FSTL5: variants seen among roughly 807,000 people sequenced by gnomAD.
FSTL5 encodes the protein follistatin like 5, also known as follistatin-related protein 5.
A neutral mutation model predicts 89.1 loss-of-function variants in FSTL5; 62 were observed. That is an observed-to-expected ratio of 0.70 (90% CI 0.57 to 0.86). The LOEUF is 0.86. FSTL5 is among the 40% of genes least tolerant of loss of function. The probability of loss-of-function intolerance (pLI) is 0.00; values close to 1 mark genes in which losing one functional copy is unlikely to be tolerated. For synonymous variants in FSTL5, 383 were observed against 346.2 expected (o/e 1.11, Z -1.18); for missense variants, 1,057 against 1,001.6 (o/e 1.06, Z -0.75).
At chr4:161,702,924 T>G (rs1738448604) in intron 6 of FSTL5, among the ~76,000 whole-genome samples, 1 of 152,104 alleles carries the variant, frequency 6.6e-6, no homozygotes, top group African/African-American at 2.4e-5. Context: ...TGAGGCTGTA[T>G]TTGGACAAAA....
At chr4:161,605,173 A>C (rs1464238637) in intron 7 of FSTL5, among the ~76,000 whole-genome samples, 1 of 152,210 alleles carries the variant, frequency 6.6e-6, no homozygotes, top group Non-Finnish European at 1.5e-5. Flanking sequence ...AAATAAATTC[A>C]GAAGTATGCC....
At chr4:161,463,342 G>GTAATAT (rs1733642995) in intron 13 of FSTL5, among the ~76,000 whole-genome samples, 1 of 152,020 alleles carries the variant, frequency 6.6e-6, no homozygotes, top group South Asian at 2.1e-4. Context: ...AATAAAAAAA[G>GTAATAT]TAATATAACA....
intron 10 of FSTL5, among the ~76,000 whole-genome samples, chr4:161,522,320 C>T (rs1731063636): frequency 6.6e-6 from 1 of 152,184 alleles, no homozygotes; most frequent in South Asian, 2.1e-4. Context: ...AACGTAGGCA[C>T]TGAAATGTGA....
intron 3 of FSTL5, among the ~76,000 whole-genome samples, chr4:161,999,412 G>A (rs1430533995): frequency 6.6e-6 from 1 of 152,050 alleles, no homozygotes; most frequent in African/African-American, 2.4e-5. Context: ...TGTATTGTAA[G>A]TTGAAACTGG....
intron 6 of FSTL5, among the ~76,000 whole-genome samples, chr4:161,748,087 A>C (rs1014615902): frequency 4.6e-5 from 7 of 152,266 alleles, no homozygotes; most frequent in Middle Eastern, 3.4e-3. Context: ...CAATCAAAAC[A>C]TTGATGAGTA....
intron 6 of FSTL5, among the ~76,000 whole-genome samples, chr4:161,701,171 A>G (rs1438729895): frequency 5.9e-5 from 9 of 152,216 alleles, no homozygotes; most frequent in Non-Finnish European, 2.9e-5. Context: ...CACACAAAAC[A>G]TCCTTCAGTC....
Position 161,542,643 on chromosome 4 carries a change from C to G in FSTL5, c.1066G>C (p.Val356Leu), listed in dbSNP as rs772286168. The G allele has an allele frequency of 6.4e-7, 1 of 1,556,372 alleles. No homozygotes were observed. The highest frequency in any genetic ancestry group is 8.7e-7 in the Non-Finnish European group (1 of 1,147,350). Residue 356 changes from valine (V) to leucine (L), a missense_variant, in exon 9 of 16, where the codon GTA becomes CTA. By Grantham distance (32) the Val-to-Leu change is conservative. Coordinates refer to ENST00000306100, the MANE Select transcript of FSTL5 (RefSeq NM_020116.5). ...YPESQAREPG[V>L]TASLRCHAEG... is the part of the protein sequence containing the mutation. Reference sequence around the variant, plus strand: ...GCATGGCACCTAAGACTGGCAGTTACCCCAGGCTCTCTAGCCTGACTCTCT... The same window carrying G: ...GCATGGCACCTAAGACTGGCAGTTAGCCCAGGCTCTCTAGCCTGACTCTCT...
intron 4 of FSTL5, among the ~76,000 whole-genome samples, chr4:161,856,981 A>C (rs2126886184): frequency 6.6e-6 from 1 of 152,226 alleles, no homozygotes; most frequent in Non-Finnish European, 1.5e-5. Context: ...GAATAATGAG[A>C]TGAGAGGCAA....
At chr4:161,695,255 T>G (rs549517987) in intron 6 of FSTL5, among the ~76,000 whole-genome samples, 2 of 152,122 alleles carry the variant, frequency 1.3e-5, no homozygotes, top group Non-Finnish European at 2.9e-5. Context: ...GTCATTCTTA[T>G]GCCTTTGCAT....
intron 4 of FSTL5, among the ~76,000 whole-genome samples, chr4:161,848,052 A>AAAAC (rs1731429629): frequency 6.7e-6 from 1 of 149,650 alleles, no homozygotes; most frequent in Non-Finnish European, 1.5e-5. Flanking sequence ...AAAAAAAAAA[A>AAAAC]AAAAAAAAAA....
rs190573581 is a variant in FSTL5 at position 161,655,919 on chromosome 4, G to A, written c.894+409C>T. 3.1e-3 allele frequency among the ~76,000 whole-genome samples: 472 copies of A among 152,094 alleles called. 3 individuals are homozygous for A. Among genetic ancestry groups the A allele is most frequent in the Non-Finnish European group, 2.0e-3 (138 of 67,988 alleles). On this transcript the variant is annotated intron_variant, in intron 7 of 15. Coordinates refer to ENST00000306100, the MANE Select transcript of FSTL5 (RefSeq NM_020116.5). ...CATACCATCACATTTCCTATTGATG[G>A]CATTTTAATTTTTCCTTTTACAAAA... is the stretch of plus-strand genomic sequence containing the variant.
chr4:161,992,856 AAAAAAATATATATATAT>A (rs1736152830), intron 3 of FSTL5, among the ~76,000 whole-genome samples: 1 of 12,554 alleles, frequency 8.0e-5, no homozygotes. Flanking sequence ...TCAAAAAAAA[AAAAAAATATATATATAT>A]ATATATATAT....
intron 5 of FSTL5, among the ~76,000 whole-genome samples, chr4:161,764,054 A>C (rs1164565888): frequency 1.3e-5 from 2 of 152,138 alleles, no homozygotes; most frequent in African/African-American, 4.8e-5. Context: ...AATTAATAAG[A>C]ATGTCACAGT....
At chr4:161,796,139 C>A (rs1460755582) in intron 4 of FSTL5, among the ~76,000 whole-genome samples, 1 of 151,886 alleles carries the variant, frequency 6.6e-6, no homozygotes, top group Non-Finnish European at 1.5e-5. Context: ...TTAAAGTACC[C>A]ATTCAAGTTT....
At chr4:161,747,363 AT>A (rs141644177) in intron 6 of FSTL5, among the ~76,000 whole-genome samples, 1 of 152,004 alleles carries the variant, frequency 6.6e-6, no homozygotes, top group Non-Finnish European at 1.5e-5. Context: ...TACTTTGTGT[AT>A]TTTTTATTTG....
At chr4:161,908,883 C>T (rs1733612598) in intron 4 of FSTL5, among the ~76,000 whole-genome samples, 1 of 151,984 alleles carries the variant, frequency 6.6e-6, no homozygotes, top group African/African-American at 2.4e-5. Context: ...CCATCCATAC[C>T]ATGTTTTGAA....
intron 3 of FSTL5, among the ~76,000 whole-genome samples, chr4:162,027,446 T>G (rs2111178280): frequency 6.6e-6 from 1 of 152,252 alleles, no homozygotes; most frequent in African/African-American, 2.4e-5. Flanking sequence ...TAATTTTGAA[T>G]GTTTGTCAAA....
chr4:162,085,788 C>T (rs1704788965), intron 2 of FSTL5, among the ~76,000 whole-genome samples: 1 of 152,074 alleles, frequency 6.6e-6, no homozygotes, highest in Non-Finnish European at 1.5e-5. Context: ...TTTTTCTATA[C>T]CTACAAGGAT....
chr4:161,896,836 G>A (rs1468839533), intron 4 of FSTL5, among the ~76,000 whole-genome samples: 1 of 152,066 alleles, frequency 6.6e-6, no homozygotes, highest in African/African-American at 2.4e-5. Context: ...CCTTTTGAAA[G>A]CATAGATAAA....
Sources: gnomAD v4.1 joint callset for allele counts (sites outside exome capture counted in the v4.1 genomes callset) on GRCh38, gnomAD v4.1.1 for gene constraint, MANE v1.5 for transcripts, NCBI Gene and HGNC (gene_info 2026-07-23, HGNC 2026-07-21) for gene names.